Variants in PPP2R2C observed in about 807,000 individuals in gnomAD.
PPP2R2C encodes protein phosphatase 2 regulatory subunit Bgamma, also known as protein phosphatase 2, regulatory subunit B, gamma.
Under a neutral mutation model 45.3 loss-of-function variants are expected in PPP2R2C, and 10 were observed. The ratio of observed to expected loss-of-function variants is 0.22; its 90% CI spans 0.14 to 0.37. The LOEUF (loss-of-function observed/expected upper bound fraction) is 0.37. PPP2R2C is among the 10% of genes least tolerant of loss of function. The probability of loss-of-function intolerance (pLI) is 1.00; values close to 1 mark genes in which losing one functional copy is unlikely to be tolerated. For synonymous variants in PPP2R2C, 257 were observed against 245.4 expected, an observed-to-expected ratio of 1.05 and a Z score of -0.44; for missense variants, 308 against 619.7, an observed-to-expected ratio of 0.50 and a Z score of 5.34.
chr4:6,425,975 G>C (rs552203217), intron 1 of PPP2R2C, among the ~76,000 whole-genome samples: 3 of 152,238 alleles, frequency 2.0e-5, no homozygotes, highest in South Asian at 4.1e-4. Flanking sequence ...CATCAGTACC[G>C]GGCCAGGGCA....
At chr4:6,412,353 CA>C (rs1296532955) in intron 1 of PPP2R2C, among the ~76,000 whole-genome samples, 1 of 152,138 alleles carries the variant, frequency 6.6e-6, no homozygotes, top group Non-Finnish European at 1.5e-5. Flanking sequence ...AAAGTAACCC[CA>C]GGGGAGGAGC....
At chr4:6,557,346 T>A (rs191780041) in intron 1 of PPP2R2C, among the ~76,000 whole-genome samples, 44 of 151,242 alleles carry the variant, frequency 2.9e-4, no homozygotes, top group African/African-American at 9.0e-4. Flanking sequence ...TTCTTACAGA[T>A]CTTATAGTCA....
At chr4:6,453,487 C>G (rs966004890) in intron 1 of PPP2R2C, among the ~76,000 whole-genome samples, 1 of 151,712 alleles carries the variant, frequency 6.6e-6, no homozygotes, top group African/African-American at 2.4e-5. Flanking sequence ...GCCCACCCCA[C>G]CCCACCCCAG....
intron 5 of PPP2R2C, among the ~76,000 whole-genome samples, chr4:6,369,174 A>G (rs1371262225): frequency 6.6e-6 from 1 of 152,230 alleles, no homozygotes; most frequent in East Asian, 1.9e-4. Context: ...CGTTTGAAGT[A>G]TGATTAACTG....
chr4:6,550,173 TC>T (rs1725136640), intron 1 of PPP2R2C, among the ~76,000 whole-genome samples: 1 of 151,696 alleles, frequency 6.6e-6, no homozygotes, highest in Non-Finnish European at 1.5e-5. Context: ...AGCCTCCCCG[TC>T]CCCCACTGGT....
intron 2 of PPP2R2C, among the ~76,000 whole-genome samples, chr4:6,491,480 G>A (rs535733098): frequency 4.7e-4 from 72 of 152,350 alleles, no homozygotes; most frequent in African/African-American, 1.6e-3. Context: ...AAGGCCTTGA[G>A]AACCAAAGAA....
At position 6,321,459 on chromosome 4, in the gene PPP2R2C, T is replaced by C. The variant is rs142410877; in HGVS notation, c.*1843A>G. On this transcript the variant is annotated 3_prime_UTR_variant, in exon 9 of 9. Transcript: ENST00000382599. ...CCAGGTCAACTGGATTTTATAGTGATATATAAACAAACATTCTTCATTCAC... is the reference window on the plus strand; with the variant it reads ...CCAGGTCAACTGGATTTTATAGTGACATATAAACAAACATTCTTCATTCAC... 82 of 152,726 alleles carry C rather than the reference T, an allele frequency of 5.4e-4. No individual in the cohort carries two copies. Among genetic ancestry groups the C allele is most frequent in the African/African-American group, 1.9e-3 (80 of 41,582 alleles). 9.5% of individuals were successfully genotyped at this position (152,726 alleles called of 1,614,324 possible).
intron 4 of PPP2R2C, 37 bp from the exon 5 acceptor site, chr4:6,372,737 C>A (rs571103009): frequency 3.7e-6 from 6 of 1,600,458 alleles, no homozygotes; most frequent in Non-Finnish European, 5.1e-6. Context: ...AGGTGAAGGC[C>A]AGGTGGTGGC....
intron 2 of PPP2R2C, among the ~76,000 whole-genome samples, chr4:6,512,143 G>A: frequency 1.6e-5 from 1 of 60,870 alleles, no homozygotes. Context: ...GGTGATTATG[G>A]TGGTAGTGGT....
intron 5 of PPP2R2C, among the ~76,000 whole-genome samples, chr4:6,360,355 G>A (rs982549924): frequency 6.6e-6 from 1 of 152,256 alleles, no homozygotes; most frequent in African/African-American, 2.4e-5. Context: ...AGGCTGGCTG[G>A]ACTGGCTTGT....
chr4:6,519,796 C>G (rs1234410757), intron 2 of PPP2R2C, among the ~76,000 whole-genome samples: 1 of 152,090 alleles, frequency 6.6e-6, no homozygotes, highest in African/African-American at 2.4e-5. Context: ...CCCTCAAACA[C>G]CAGTGTGGGA....
intron 5 of PPP2R2C, chr4:6,349,427 TC>T: frequency 1.0e-6 from 1 of 980,338 alleles, no homozygotes; most frequent in Non-Finnish European, 1.2e-6. Flanking sequence ...GCAAAGCCCT[TC>T]ACACACTGCC....
intron 1 of PPP2R2C, among the ~76,000 whole-genome samples, chr4:6,454,208 G>A (rs1169811343): frequency 3.9e-5 from 6 of 152,114 alleles, no homozygotes; most frequent in South Asian, 4.1e-4. Context: ...GTGGCACACC[G>A]TGTTTCCCAG....
intron 1 of PPP2R2C, among the ~76,000 whole-genome samples, chr4:6,450,588 A>T (rs925087644): frequency 2.2e-4 from 34 of 152,086 alleles, no homozygotes; most frequent in Non-Finnish European, 7.4e-5. Flanking sequence ...GGCCTAAGGA[A>T]CGCCAGGAGA....
At chr4:6,511,638 GTT>G (rs1723518928) in intron 2 of PPP2R2C, among the ~76,000 whole-genome samples, 1 of 75,562 alleles carries the variant, frequency 1.3e-5, no homozygotes, top group African/African-American at 6.0e-5. Flanking sequence ...TGGTGGTGGT[GTT>G]GATGGTGGTG....
At chr4:6,413,899 T>G in intron 1 of PPP2R2C, 2 of 1,536,072 alleles carry the variant, frequency 1.3e-6, no homozygotes, top group Non-Finnish European at 1.7e-6. Context: ...CAGCCCCTGC[T>G]CACCCGTGTC....
intron 1 of PPP2R2C, among the ~76,000 whole-genome samples, chr4:6,452,076 C>T (rs1293974262): frequency 6.6e-6 from 1 of 152,154 alleles, no homozygotes; most frequent in Non-Finnish European, 1.5e-5. Flanking sequence ...CCCAGAGTGG[C>T]CTGTGTAAGT....
At chr4:6,349,444 C>T (rs1371102698) in intron 5 of PPP2R2C, 12 of 982,340 alleles carry the variant, frequency 1.2e-5, no homozygotes, top group East Asian at 1.1e-4. Flanking sequence ...CTGCCTGATG[C>T]GTTGCAGAGC....
At chr4:6,448,446 C>T (rs1046702147) in intron 1 of PPP2R2C, among the ~76,000 whole-genome samples, 1 of 152,124 alleles carries the variant, frequency 6.6e-6, no homozygotes, top group Non-Finnish European at 1.5e-5. Flanking sequence ...TTCCTGCCCC[C>T]ACCAGGGCCG....
Sources: gnomAD v4.1 joint callset for allele counts (sites outside exome capture counted in the v4.1 genomes callset) on GRCh38, gnomAD v4.1.1 for gene constraint, MANE v1.5 for transcripts, NCBI Gene and HGNC (gene_info 2026-07-23, HGNC 2026-07-21) for gene names.